The following NDST4 variants were observed in gnomAD, a reference collection of about 807,000 sequenced individuals.
NDST4 encodes the protein N-deacetylase and N-sulfotransferase 4, also known as N-heparan sulfate sulfotransferase 4.
Under a neutral mutation model 100.8 loss-of-function variants are expected in NDST4, and 63 were observed. That is an observed-to-expected ratio of 0.62 (90% CI 0.51 to 0.77). The LOEUF is 0.77. NDST4 is among the 30% of genes least tolerant of loss of function. The pLI is 0.00. For missense variants in NDST4, 943 were observed against 1,018.4 expected, an observed-to-expected ratio of 0.93 and a Z score of 1.01; for synonymous variants, 377 against 361.8, an observed-to-expected ratio of 1.04 and a Z score of -0.48.
At chr4:114,887,607 C>A (rs745412214) in intron 6 of NDST4, among the ~76,000 whole-genome samples, 91 of 152,160 alleles carry the variant, frequency 6.0e-4, no homozygotes, top group South Asian at 1.7e-3. Flanking sequence ...GACATCCATA[C>A]AAGGATCCAC....
chr4:114,964,821 T>C (rs1401628138), intron 4 of NDST4, among the ~76,000 whole-genome samples: 1 of 152,214 alleles, frequency 6.6e-6, no homozygotes, highest in Admixed American at 6.5e-5. Flanking sequence ...TTGACTGTTT[T>C]AGATACCTTA....
At chr4:114,836,169 T>A (rs1256353224) in intron 11 of NDST4, among the ~76,000 whole-genome samples, 1 of 152,228 alleles carries the variant, frequency 6.6e-6, no homozygotes, top group Non-Finnish European at 1.5e-5. Context: ...GCTAGCTGGT[T>A]ATTTTGTACA....
intron 2 of NDST4, among the ~76,000 whole-genome samples, chr4:114,980,063 G>T (rs1726732859): frequency 6.6e-6 from 1 of 151,908 alleles, no homozygotes; most frequent in Non-Finnish European, 1.5e-5. Flanking sequence ...AAATTCAGAA[G>T]AAAAGTAGAA....
chr4:114,896,622 CA>C (rs34174566), intron 6 of NDST4, among the ~76,000 whole-genome samples: 15,948 of 103,772 alleles, frequency 0.15, 819 homozygotes, highest in Non-Finnish European at 0.18. Context: ...GACTCCGTCT[CA>C]AAAAAAAAAA....
intron 2 of NDST4, among the ~76,000 whole-genome samples, chr4:115,034,222 C>CA (rs1369673718): frequency 6.6e-6 from 1 of 152,026 alleles, no homozygotes; most frequent in African/African-American, 2.4e-5. Context: ...CTGAAGGCAC[C>CA]AGTGGAAATA....
intron 2 of NDST4, among the ~76,000 whole-genome samples, chr4:115,060,482 A>T (rs1251950938): frequency 2.0e-5 from 3 of 152,046 alleles, no homozygotes; most frequent in African/African-American, 7.2e-5. Flanking sequence ...TTATAATCAA[A>T]ATTAAAATTT....
intron 6 of NDST4, among the ~76,000 whole-genome samples, chr4:114,871,571 A>C (rs1467511433): frequency 1.3e-5 from 2 of 152,078 alleles, no homozygotes; most frequent in Non-Finnish European, 2.9e-5. Context: ...AAATTAGATT[A>C]ATTGGTATGG....
chr4:114,990,434 A>C (rs1423126604), intron 2 of NDST4, among the ~76,000 whole-genome samples: 1 of 152,100 alleles, frequency 6.6e-6, no homozygotes, highest in Admixed American at 6.6e-5. Context: ...TCTTTTAAAT[A>C]AGCTCTTAAG....
chr4:114,971,398 G>GA (rs916896362), intron 3 of NDST4, among the ~76,000 whole-genome samples: 53 of 147,458 alleles, frequency 3.6e-4, no homozygotes, highest in African/African-American at 8.4e-4. Context: ...CCACAGTTAA[G>GA]AAAAAAAAAA....
intron 4 of NDST4, among the ~76,000 whole-genome samples, chr4:114,952,636 A>G (rs1726041136): frequency 6.6e-6 from 1 of 152,138 alleles, no homozygotes; most frequent in African/African-American, 2.4e-5. Flanking sequence ...GCTATCCTTT[A>G]TGTTGTAAGT....
intron 2 of NDST4, among the ~76,000 whole-genome samples, chr4:115,044,332 A>G (rs1215758204): frequency 6.6e-6 from 1 of 152,154 alleles, no homozygotes; most frequent in Non-Finnish European, 1.5e-5. Flanking sequence ...GGCAACAAAC[A>G]GACACAACCG....
At chr4:114,845,258 G>A (rs1723519509) in intron 10 of NDST4, among the ~76,000 whole-genome samples, 1 of 152,148 alleles carries the variant, frequency 6.6e-6, no homozygotes, top group South Asian at 2.1e-4. Flanking sequence ...CTTCAGCCCA[G>A]GAGGGAGAGG....
chr4:115,004,966 C>T (rs1023471499), intron 2 of NDST4, among the ~76,000 whole-genome samples: 1 of 152,140 alleles, frequency 6.6e-6, no homozygotes, highest in East Asian at 1.9e-4. Flanking sequence ...AATTTTTCCT[C>T]TAATTTTAAC....
In NDST4 at chr4:114,978,885, G is replaced by GA. The variant is rs776193131; in HGVS notation, c.979-1612dup. On this transcript the variant is annotated intron_variant, in intron 2 of 13. Coordinates refer to ENST00000264363, the MANE Select transcript of NDST4 (RefSeq NM_022569.3). The stretch of plus-strand genomic sequence containing the variant: ...TTTATCTGTGAAATGGGGTACTTCT[G>GA]AAAATTTATTTTATACTCTTATTAG... 2.6e-5 allele frequency among the ~76,000 whole-genome samples: 4 copies of GA among 152,158 alleles called. No homozygotes were observed. The East Asian group carries it at 5.8e-4, about 22-fold the overall frequency.
At chr4:114,861,919 T>C (rs1435433990) in intron 7 of NDST4, among the ~76,000 whole-genome samples, 2 of 152,252 alleles carry the variant, frequency 1.3e-5, no homozygotes, top group Non-Finnish European at 2.9e-5. Context: ...TTTCCTGTCA[T>C]ATTTTCTTAA....
intron 6 of NDST4, among the ~76,000 whole-genome samples, chr4:114,909,774 A>T (rs938469539): frequency 5.3e-5 from 8 of 152,104 alleles, no homozygotes; most frequent in African/African-American, 1.9e-4. Context: ...TTGGGCAAAC[A>T]CTTATTGGTT....
chr4:114,933,691 A>G (rs1725565304), intron 6 of NDST4, among the ~76,000 whole-genome samples: 1 of 152,126 alleles, frequency 6.6e-6, no homozygotes, highest in Non-Finnish European at 1.5e-5. Flanking sequence ...AAAAATGGGC[A>G]GAAGATTTGA....
intron 2 of NDST4, among the ~76,000 whole-genome samples, chr4:114,983,773 G>A (rs1246894289): frequency 6.6e-6 from 1 of 152,124 alleles, no homozygotes; most frequent in Non-Finnish European, 1.5e-5. Context: ...ATATGGTTGG[G>A]CTCTGTGTCC....
rs79495770 is a variant in NDST4 at position 115,099,802 on chromosome 4, T to A, written c.-247+13642A>T. Among the ~76,000 whole-genome samples, 2,520 of 152,220 alleles carry A rather than the reference T, an allele frequency of 0.017. 137 individuals carry two copies. In the East Asian group the frequency reaches 0.17, roughly 10 times the overall value. Reference sequence around the variant, plus strand: ...TAGTCATATTATCCAGCAATCATGATCCTTGGTATTTACTCAATGAGTTAA... The same window carrying A: ...TAGTCATATTATCCAGCAATCATGAACCTTGGTATTTACTCAATGAGTTAA... On this transcript the variant is annotated intron_variant, in intron 1 of 13. Coordinates refer to ENST00000264363, the MANE Select transcript of NDST4 (RefSeq NM_022569.3).
Sources: gnomAD v4.1 joint callset for allele counts (sites outside exome capture counted in the v4.1 genomes callset) on GRCh38, gnomAD v4.1.1 for gene constraint, MANE v1.5 for transcripts, NCBI Gene and HGNC (gene_info 2026-07-23, HGNC 2026-07-21) for gene names.